IGF2BP3: variants seen among roughly 807,000 people sequenced by gnomAD.
The protein encoded by IGF2BP3 is insulin-like growth factor 2 mRNA-binding protein 3.
IGF2BP3 carries 9 observed loss-of-function variants against 73.8 expected under a neutral mutation model. The observed-to-expected ratio is 0.12, with a 90% CI of 0.07 to 0.21. The LOEUF (loss-of-function observed/expected upper bound fraction) is 0.21. Among genes scored for constraint, IGF2BP3 ranks in the 10% least tolerant of loss-of-function variants. The pLI, the probability that IGF2BP3 is intolerant of heterozygous loss-of-function variation, is 1.00. For missense variants in IGF2BP3, 542 were observed against 714.0 expected, an observed-to-expected ratio of 0.76 and a Z score of 2.75; for synonymous variants, 258 against 256.7, an observed-to-expected ratio of 1.01 and a Z score of -0.05.
At chr7:23,343,164 T>C (rs1007652841) in intron 9 of IGF2BP3, among the ~76,000 whole-genome samples, 1 of 152,238 alleles carries the variant, frequency 6.6e-6, no homozygotes, top group Admixed American at 6.5e-5. Context: ...TCAATTGAAA[T>C]TCTTGTATCT....
At chr7:23,461,489 C>G (rs564583169) in intron 2 of IGF2BP3, among the ~76,000 whole-genome samples, 1 of 152,296 alleles carries the variant, frequency 6.6e-6, no homozygotes, top group South Asian at 2.1e-4. Flanking sequence ...GAATCTGCTC[C>G]TCTCCCAATA....
At chr7:23,339,182 G>A (rs1414861173) in intron 10 of IGF2BP3, among the ~76,000 whole-genome samples, 1 of 152,194 alleles carries the variant, frequency 6.6e-6, no homozygotes, top group Non-Finnish European at 1.5e-5. Context: ...TAAATGACAG[G>A]AGAAGCAAGA....
intron 2 of IGF2BP3, among the ~76,000 whole-genome samples, chr7:23,420,249 T>A (rs910716520): frequency 1.3e-5 from 2 of 152,208 alleles, no homozygotes; most frequent in Admixed American, 6.5e-5. Flanking sequence ...GAGGATCACC[T>A]GAGCCCAGGA....
At chr7:23,418,381 A>G (rs1366971754) in intron 3 of IGF2BP3, among the ~76,000 whole-genome samples, 1 of 152,220 alleles carries the variant, frequency 6.6e-6, no homozygotes, top group African/African-American at 2.4e-5. Context: ...AGCAAAAGGA[A>G]GCAGAATAAC....
intron 2 of IGF2BP3, among the ~76,000 whole-genome samples, chr7:23,419,542 G>C (rs1024732945): frequency 6.6e-6 from 1 of 152,036 alleles, no homozygotes; most frequent in Non-Finnish European, 1.5e-5. Flanking sequence ...ATAATCCTAC[G>C]TATTTTATGC....
intron 2 of IGF2BP3, among the ~76,000 whole-genome samples, chr7:23,431,607 T>C (rs1787678326): frequency 1.3e-5 from 2 of 151,746 alleles, no homozygotes; most frequent in Non-Finnish European, 2.9e-5. Context: ...GAATGCCAGA[T>C]TCTAGTGAAC....
At chr7:23,329,160 C>CAG (rs1784380874) in intron 10 of IGF2BP3, among the ~76,000 whole-genome samples, 1 of 150,896 alleles carries the variant, frequency 6.6e-6, no homozygotes, top group South Asian at 2.1e-4. Context: ...TTGCAGTGAG[C>CAG]AGAGATCACG....
intron 2 of IGF2BP3, among the ~76,000 whole-genome samples, chr7:23,442,135 T>A (rs902548004): frequency 2.0e-5 from 3 of 152,140 alleles, no homozygotes; most frequent in Non-Finnish European, 4.4e-5. Context: ...CTCAAGAAAA[T>A]TTTTTTAAAA....
chr7:23,383,820 G>A (rs1267528081), intron 3 of IGF2BP3, among the ~76,000 whole-genome samples: 2 of 152,128 alleles, frequency 1.3e-5, no homozygotes, highest in Non-Finnish European at 2.9e-5. Context: ...TCTGGAGCCG[G>A]GCGCGGTGGC....
intron 2 of IGF2BP3, among the ~76,000 whole-genome samples, chr7:23,428,525 A>AT (rs1391277798): frequency 6.1e-5 from 9 of 148,092 alleles, no homozygotes; most frequent in Non-Finnish European, 1.2e-4. Flanking sequence ...AAAAGAAAAA[A>AT]AAAATATATA....
At chr7:23,330,385 T>C (rs191156143) in intron 10 of IGF2BP3, among the ~76,000 whole-genome samples, 30 of 151,000 alleles carry the variant, frequency 2.0e-4, no homozygotes, top group African/African-American at 7.3e-4. Flanking sequence ...AAAATATACA[T>C]GAAAGCTTTA....
chr7:23,459,278 T>C (rs866827756), intron 2 of IGF2BP3, among the ~76,000 whole-genome samples: 3 of 152,122 alleles, frequency 2.0e-5, no homozygotes, highest in Non-Finnish European at 4.4e-5. Context: ...GGATTCATAA[T>C]TGGGGAAACA....
rs1461520949 is a variant in IGF2BP3 at position 23,469,257 on chromosome 7, C to T, written c.175+679G>A. 6.6e-6 allele frequency: 1 copy of T among 152,360 alleles called. No homozygotes were observed. Among genetic ancestry groups the T allele is most frequent in the African/African-American group, 2.4e-5 (1 of 41,468 alleles). The allele number at this position is 152,360 out of a possible 1,614,324, so 9.4% of individuals were successfully genotyped here. On this transcript the variant is annotated intron_variant, in intron 1 of 14. Transcript: ENST00000258729. The surrounding 1 kb of genome is among the most constrained non-coding windows in gnomAD (Gnocchi z 6.1). Reference sequence around the variant, plus strand: ...ATACCCGGAGGCCGCAGCCCCGCGCCAGGGCCCGGAGAGCGGCGGGCGGCC... The same window carrying T: ...ATACCCGGAGGCCGCAGCCCCGCGCTAGGGCCCGGAGAGCGGCGGGCGGCC...
At chr7:23,443,349 TC>T (rs999584215) in intron 2 of IGF2BP3, among the ~76,000 whole-genome samples, 8 of 152,052 alleles carry the variant, frequency 5.3e-5, no homozygotes, top group Admixed American at 1.3e-4. Flanking sequence ...GGTCTCGAAC[TC>T]CCGACCTCAG....
At chr7:23,394,939 T>A (rs1190140043) in intron 3 of IGF2BP3, among the ~76,000 whole-genome samples, 1 of 152,218 alleles carries the variant, frequency 6.6e-6, no homozygotes, top group Non-Finnish European at 1.5e-5. Flanking sequence ...AATAATGGAA[T>A]ACTGGAAGTG....
intron 10 of IGF2BP3, among the ~76,000 whole-genome samples, chr7:23,320,549 A>G (rs1247864363): frequency 6.6e-6 from 1 of 152,010 alleles, no homozygotes; most frequent in Admixed American, 6.6e-5. Flanking sequence ...AGTGAGAAAA[A>G]CACTTCCAAG....
intron 3 of IGF2BP3, among the ~76,000 whole-genome samples, chr7:23,407,715 AG>A (rs1786881183): frequency 6.6e-6 from 1 of 152,136 alleles, no homozygotes; most frequent in East Asian, 1.9e-4. Flanking sequence ...AATCACTTCC[AG>A]AAAAGGTAAA....
At chr7:23,329,166 T>C (rs1784381117) in intron 10 of IGF2BP3, among the ~76,000 whole-genome samples, 1 of 150,600 alleles carries the variant, frequency 6.6e-6, no homozygotes, top group Non-Finnish European at 1.5e-5. Flanking sequence ...TGAGCAGAGA[T>C]CACGCCATTG....
At chr7:23,393,559 C>A (rs754828697) in intron 3 of IGF2BP3, among the ~76,000 whole-genome samples, 3 of 152,116 alleles carry the variant, frequency 2.0e-5, no homozygotes, top group Non-Finnish European at 4.4e-5. Context: ...TGAGAGGGGT[C>A]AGTGGAGGGG....
Sources: allele counts gnomAD v4.1 joint callset (sites outside exome capture counted in the v4.1 genomes callset), GRCh38; gene constraint gnomAD v4.1.1; non-coding constraint Gnocchi (gnomAD v3.1); transcripts MANE v1.5; gene names NCBI Gene and HGNC (gene_info 2026-07-23, HGNC 2026-07-21).